LRBA: variants seen among roughly 807,000 people sequenced by gnomAD.
The protein encoded by LRBA is LPS responsive beige-like anchor protein, also known as lipopolysaccharide-responsive and beige-like anchor protein.
LRBA carries 176 observed loss-of-function variants against 330.0 expected under a neutral mutation model. That is an observed-to-expected ratio of 0.53 (90% confidence interval 0.47 to 0.60). LRBA has a LOEUF of 0.60. Ranked by LOEUF, LRBA falls within the 20% of genes least tolerant of loss-of-function variation. The pLI is 0.00. For synonymous variants in LRBA, 1,230 were observed against 1,193.0 expected, an observed-to-expected ratio of 1.03 and a Z score of -0.64; for missense variants, 3,259 against 3,444.8, an observed-to-expected ratio of 0.95 and a Z score of 1.35.
At position 150,817,222 on chromosome 4, in the gene LRBA, G is replaced by A. The variant is rs754411956; in HGVS notation, c.5207C>T (p.Ser1736Leu). The A allele has an allele frequency of 6.2e-6, 10 of 1,612,122 alleles. No homozygotes were observed. The highest frequency in any genetic ancestry group is 2.2e-5 in the East Asian group (1 of 44,798). The change falls in exon 31 of 57, where the codon TCA (serine) becomes TTA (leucine). Residue 1736 changes from serine (S) to leucine (L), a missense_variant. Coordinates refer to ENST00000651943, the MANE Select transcript of LRBA (RefSeq NM_001364905.1). ...TATGCTTGTATTAAAGGTGGAAGGT[G>A]AGACTGCTGACTTTTTTGCTGCAAC... is the stretch of plus-strand genomic sequence containing the variant. ...VIVAAKKSAVSPSTFNTSIPT... is the reference protein window; with the variant it reads ...VIVAAKKSAVLPSTFNTSIPT...
chr4:150,697,690 TATA>T (rs1784769703), intron 36 of LRBA, among the ~76,000 whole-genome samples: 1 of 152,180 alleles, frequency 6.6e-6, no homozygotes. Context: ...TGATGATTGT[TATA>T]ATGTTATAAT....
rs79858829 is a variant in LRBA at position 150,956,398 on chromosome 4, C to CA, written c.217-27334dup. 5.1e-4 allele frequency among the ~76,000 whole-genome samples: 74 copies of CA among 144,022 alleles called. 1 individual carries two copies. Among genetic ancestry groups the CA allele is most frequent in the South Asian group, 4.5e-3 (21 of 4,672 alleles). The allele number at this position is 144,022 out of a possible 152,430, so 94.5% of individuals were successfully genotyped here. The stretch of plus-strand genomic sequence containing the variant: ...AAAAATCAACTCACAAAAAACAAAA[C>CA]AAAAAAAAAACTTAGGCCCAGGTGG... On this transcript the variant is annotated intron_variant, in intron 2 of 56. Transcript: ENST00000651943.
chr4:150,560,865 A>G (rs927453760), intron 40 of LRBA, among the ~76,000 whole-genome samples: 3 of 152,100 alleles, frequency 2.0e-5, no homozygotes, highest in Non-Finnish European at 4.4e-5. Context: ...ACATGTCTGT[A>G]ATCCCAGCCA....
At position 150,836,540 on chromosome 4, in the gene LRBA, A is replaced by G. The variant is rs530177864; in HGVS notation, c.4570-4564T>C. On this transcript the variant is annotated intron_variant, in intron 28 of 56. Coordinates refer to ENST00000651943, the MANE Select transcript of LRBA (RefSeq NM_001364905.1). ...CTGGTTTAGTCTTGGGAGGGTGTCCAGGAATTTATCCATTTCTTCTAGATT... is the reference window on the plus strand; with the variant it reads ...CTGGTTTAGTCTTGGGAGGGTGTCCGGGAATTTATCCATTTCTTCTAGATT... 3.3e-5 allele frequency among the ~76,000 whole-genome samples: 5 copies of G among 151,478 alleles called. No homozygotes were observed. In the South Asian group the frequency reaches 6.2e-4, roughly 19 times the overall value.
intron 28 of LRBA, among the ~76,000 whole-genome samples, chr4:150,833,698 A>G (rs760292766): frequency 2.0e-5 from 3 of 152,200 alleles, no homozygotes; most frequent in Non-Finnish European, 2.9e-5. Flanking sequence ...TTGCATCTCC[A>G]CATTCATGGA....
intron 34 of LRBA, among the ~76,000 whole-genome samples, chr4:150,795,411 CAT>C (rs1740643899): frequency 6.6e-6 from 1 of 151,956 alleles, no homozygotes; most frequent in South Asian, 2.1e-4. Flanking sequence ...CAACAGAGAA[CAT>C]ACAGTTTCCT....
intron 48 of LRBA, among the ~76,000 whole-genome samples, chr4:150,327,502 A>G (rs921554840): frequency 1.3e-5 from 2 of 152,238 alleles, no homozygotes; most frequent in East Asian, 3.9e-4. Flanking sequence ...CCGGCAGCCC[A>G]CATGCCTCCC....
At chr4:150,502,930 T>C (rs552864828) in intron 40 of LRBA, among the ~76,000 whole-genome samples, 1 of 152,268 alleles carries the variant, frequency 6.6e-6, no homozygotes, top group South Asian at 2.1e-4. Context: ...CAGAGGGTCC[T>C]ACACCCACGG....
intron 37 of LRBA, among the ~76,000 whole-genome samples, chr4:150,647,132 C>T (rs1457741255): frequency 2.0e-5 from 3 of 151,706 alleles, no homozygotes; most frequent in Non-Finnish European, 2.9e-5. Flanking sequence ...TTTTCCATCA[C>T]ATATAATAAG....
chr4:150,500,329 C>T (rs1760103624), intron 40 of LRBA, among the ~76,000 whole-genome samples: 1 of 151,664 alleles, frequency 6.6e-6, no homozygotes, highest in Non-Finnish European at 1.5e-5. Flanking sequence ...AATCCCAGCA[C>T]TTTGGGAGGC....
At chr4:150,323,025 G>GTGTGTGTGTGTGTGTGTGTGTGTGT (rs373782725) in intron 49 of LRBA, among the ~76,000 whole-genome samples, 1 of 142,544 alleles carries the variant, frequency 7.0e-6, no homozygotes. Context: ...GTGTGTGTGT[G>GTGTGTGTGTGTGTGTGTGTGTGTGT]GGGATGCATT....
rs376657392 is a variant in LRBA at position 150,943,245 on chromosome 4, T to C, written c.217-14180A>G. ...TCTTGAAAGGAAGATATACAACCAA[T>C]GCATGGACTTCCCAAAAGTTATTTC... On this transcript the variant is annotated intron_variant, in intron 2 of 56. Coordinates refer to ENST00000651943, the MANE Select transcript of LRBA (RefSeq NM_001364905.1). Among the ~76,000 whole-genome samples, 38 of 152,314 alleles carry C rather than the reference T, an allele frequency of 2.5e-4. No individual in the cohort carries two copies. In the Middle Eastern group the frequency reaches 0.014, roughly 55 times the overall value.
chr4:150,494,536 C>T (rs1759339436), intron 40 of LRBA, among the ~76,000 whole-genome samples: 1 of 152,182 alleles, frequency 6.6e-6, no homozygotes, highest in Admixed American at 6.5e-5. Context: ...AATGAGTATA[C>T]TACAGCATTG....
intron 4 of LRBA, among the ~76,000 whole-genome samples, chr4:150,921,976 G>A (rs544681481): frequency 2.0e-5 from 3 of 152,216 alleles, no homozygotes; most frequent in South Asian, 2.1e-4. Flanking sequence ...ACCTGCCTGG[G>A]CCTCCCAAAG....
At chr4:150,307,546 C>A (rs1730515198) in intron 52 of LRBA, among the ~76,000 whole-genome samples, 1 of 150,996 alleles carries the variant, frequency 6.6e-6, no homozygotes, top group African/African-American at 2.4e-5. Flanking sequence ...AGAGTGAGAA[C>A]CCTGTCTCTA....
chr4:150,415,446 T>C lies in LRBA; in HGVS notation c.7186A>G (p.Asn2396Asp). The change falls in exon 47 of 57, where the codon AAC becomes GAC. Residue 2396 changes from asparagine to aspartate, a missense_variant. Asn to Asp is a conservative substitution (Grantham distance 23, BLOSUM62 1). Transcript: ENST00000651943. ...GATGATTATTATCTTACCAATCTGT[T>C]TATGTGAACAAATTCTTCTGAGGTT... ...AKTSEEFVHI[N>D]RLALESEFVS... 1 of 1,613,350 alleles carries C rather than the reference T, an allele frequency of 6.2e-7. No homozygotes were observed. Among genetic ancestry groups the C allele is most frequent in the Non-Finnish European group, 8.5e-7 (1 of 1,179,680 alleles).
At chr4:150,845,264 T>C (rs76096885) in intron 26 of LRBA, among the ~76,000 whole-genome samples, 2,274 of 152,302 alleles carry the variant, frequency 0.015, 27 homozygotes, top group Non-Finnish European at 0.024. Context: ...TCTTCTTATA[T>C]TGCATCATTA....
intron 47 of LRBA, among the ~76,000 whole-genome samples, chr4:150,370,411 T>C (rs1197563825): frequency 1.3e-5 from 2 of 152,134 alleles, no homozygotes; most frequent in Non-Finnish European, 2.9e-5. Context: ...AAATGCATGC[T>C]ACTAAATGAA....
chr4:150,651,131 T>C (rs183858556), intron 37 of LRBA, among the ~76,000 whole-genome samples: 2 of 152,316 alleles, frequency 1.3e-5, no homozygotes, highest in Admixed American at 1.3e-4. Flanking sequence ...ATTATTATAC[T>C]GTAAAGCACA....
Sources: gnomAD v4.1 joint callset for allele counts (sites outside exome capture counted in the v4.1 genomes callset) on GRCh38, gnomAD v4.1.1 for gene constraint, MANE v1.5 for transcripts, NCBI Gene and HGNC (gene_info 2026-07-23, HGNC 2026-07-21) for gene names.